Variants in NBDY observed in about 807,000 individuals in gnomAD.
NBDY encodes the protein negative regulator of P-body association.
At chrX:56,742,239 A>G (rs965205729) in intron 2 of NBDY, among the ~76,000 whole-genome samples, 1 of 111,432 alleles carries the variant, frequency 9.0e-6, no homozygotes, top group Non-Finnish European at 1.9e-5. Flanking sequence ...GTAGTTCTGT[A>G]GTATAATTTG....
intron 2 of NBDY, among the ~76,000 whole-genome samples, chrX:56,785,751 T>C (rs749675424): frequency 8.9e-5 from 10 of 111,769 alleles, no homozygotes; most frequent in Non-Finnish European, 1.3e-4. Context: ...AAGAAGTCAC[T>C]CACAGGGCTG....
At chrX:56,804,326 G>T (rs1194193130) in intron 2 of NBDY, among the ~76,000 whole-genome samples, 2 of 112,091 alleles carry the variant, frequency 1.8e-5, no homozygotes, top group Non-Finnish European at 3.8e-5. Flanking sequence ...AGACTCGACA[G>T]ATTGGACACC....
chrX:56,805,613 C>T lies in NBDY; in HGVS notation c.*167-11707C>T, dbSNP rs1376146534. 2.7e-5 allele frequency among the ~76,000 whole-genome samples: 3 copies of T among 111,946 alleles called. No individual in the cohort carries two copies. The East Asian group carries it at 8.5e-4, about 32-fold the overall frequency. On this transcript the variant is annotated intron_variant, in intron 2 of 2. Transcript: ENST00000374922. ...TGGGGGCAGTGGGGACCAGGGCAGC[C>T]TCCAGGCTTGCCAGGCCTCTGTGCC...
At chrX:56,752,693 T>A (rs928536872) in intron 2 of NBDY, among the ~76,000 whole-genome samples, 2 of 111,497 alleles carry the variant, frequency 1.8e-5, no homozygotes, top group African/African-American at 6.5e-5. Flanking sequence ...CACTGCAACC[T>A]CCACCTCCCA....
chrX:56,817,561 T>C lies in NBDY; in HGVS notation c.*408T>C, dbSNP rs1333804862. The C allele has an allele frequency of 8.9e-6, 1 of 112,042 alleles. No individual in the cohort carries two copies. Among genetic ancestry groups the C allele is most frequent in the Non-Finnish European group, 1.9e-5 (1 of 53,261 alleles). 9.2% of individuals were successfully genotyped at this position (112,042 alleles called of 1,213,427 possible). ...TAAATCCATTAAGGCCCCAATAAAG[T>C]TTGTCTCTAAGCGCTGTGTTAGATC... is the stretch of plus-strand genomic sequence containing the variant. On this transcript the variant is annotated 3_prime_UTR_variant, in exon 3 of 3. Coordinates refer to ENST00000374922, the MANE Select transcript of NBDY (RefSeq NM_001348129.2).
At chrX:56,742,059 G>A (rs182190046) in intron 2 of NBDY, among the ~76,000 whole-genome samples, 9 of 111,710 alleles carry the variant, frequency 8.1e-5, no homozygotes, top group Non-Finnish European at 1.7e-4. Context: ...TGGATATCCA[G>A]TTTTCCCAGC....
intron 2 of NBDY, among the ~76,000 whole-genome samples, chrX:56,787,457 G>A (rs1038084212): frequency 2.7e-5 from 3 of 111,372 alleles, no homozygotes; most frequent in African/African-American, 6.5e-5. Flanking sequence ...AAAGGGGAAC[G>A]GGGGACAAAC....
At chrX:56,794,052 T>C (rs73626223) in intron 2 of NBDY, among the ~76,000 whole-genome samples, 7,441 of 112,139 alleles carry the variant, frequency 0.066, 571 homozygotes, top group African/African-American at 0.23. Flanking sequence ...AAATGGCTGC[T>C]GGGGCAGCTC....
chrX:56,796,740 G>A (rs895540375), intron 2 of NBDY, among the ~76,000 whole-genome samples: 1 of 111,070 alleles, frequency 9.0e-6, no homozygotes, highest in Non-Finnish European at 1.9e-5. Flanking sequence ...GTCTGCTGAT[G>A]ACATCCTCAG....
chrX:56,737,550 A>T (rs2069502926), intron 2 of NBDY: 1 of 877,721 alleles, frequency 1.1e-6, no homozygotes, highest in African/African-American at 2.1e-5. Context: ...CACTTGCCTG[A>T]TGCTGAAATG....
intron 2 of NBDY, among the ~76,000 whole-genome samples, chrX:56,809,482 T>C (rs1188531530): frequency 8.9e-6 from 1 of 112,484 alleles, no homozygotes; most frequent in Non-Finnish European, 1.9e-5. Context: ...GCTCTTCTTG[T>C]TGCATTGATT....
intron 2 of NBDY, among the ~76,000 whole-genome samples, chrX:56,802,887 T>A (rs1171352899): frequency 8.9e-6 from 1 of 112,619 alleles, no homozygotes; most frequent in African/African-American, 3.2e-5. Flanking sequence ...AGTTTGGTGG[T>A]CAACCTGAGA....
intron 2 of NBDY, among the ~76,000 whole-genome samples, chrX:56,739,236 G>GTATA (rs67727538): frequency 0.075 from 4,332 of 57,877 alleles, 244 homozygotes; most frequent in Non-Finnish European, 0.11. Context: ...GTGTTTGTGT[G>GTATA]TGTATATATA....
chrX:56,791,949 C>T (rs1006149194), intron 2 of NBDY, among the ~76,000 whole-genome samples: 2 of 109,148 alleles, frequency 1.8e-5, no homozygotes, highest in Non-Finnish European at 3.8e-5. Flanking sequence ...CCTTCTTCTT[C>T]GTCCTCCTCC....
chrX:56,756,645 G>A (rs960868580), intron 2 of NBDY, among the ~76,000 whole-genome samples: 3 of 112,022 alleles, frequency 2.7e-5, no homozygotes, highest in African/African-American at 9.7e-5. Flanking sequence ...GAAAAATAAT[G>A]TGCAAGATTT....
chrX:56,780,864 C>T (rs1351020048), intron 2 of NBDY, among the ~76,000 whole-genome samples: 2 of 90,232 alleles, frequency 2.2e-5, no homozygotes, highest in African/African-American at 4.3e-5. Flanking sequence ...CTAGGGAGAA[C>T]GCGAGAAGAA....
chrX:56,809,929 CTCTTGT>C (rs1461387009), intron 2 of NBDY, among the ~76,000 whole-genome samples: 1 of 111,766 alleles, frequency 8.9e-6, no homozygotes, highest in African/African-American at 3.3e-5. Flanking sequence ...CCTTCAGGAG[CTCTTGT>C]AAGGCAGGCC....
At chrX:56,757,104 T>C (rs1024205154) in intron 2 of NBDY, among the ~76,000 whole-genome samples, 5 of 112,625 alleles carry the variant, frequency 4.4e-5, no homozygotes, top group African/African-American at 1.6e-4. Context: ...TTCTCAAATA[T>C]GATCAGAATT....
At chrX:56,760,996 C>A (rs2069634912) in intron 2 of NBDY, among the ~76,000 whole-genome samples, 1 of 111,959 alleles carries the variant, frequency 8.9e-6, no homozygotes, top group African/African-American at 3.3e-5. Context: ...CTCTATGAAT[C>A]TGCATAGGCC....
Sources: gnomAD v4.1 joint callset for allele counts (sites outside exome capture counted in the v4.1 genomes callset) on GRCh38, gnomAD v4.1.1 for gene constraint, MANE v1.5 for transcripts, NCBI Gene and HGNC (gene_info 2026-07-23, HGNC 2026-07-21) for gene names.